Variants in METTL15 observed in about 807,000 individuals in gnomAD.
METTL15 encodes 12S rRNA N(4)-cytidine methyltransferase METTL15.
A neutral mutation model predicts 38.3 loss-of-function variants in METTL15; 34 were observed. That is an observed-to-expected ratio of 0.89 (90% CI 0.68 to 1.18). METTL15 has a LOEUF of 1.18. Ranked by LOEUF, METTL15 falls within the 50% of genes most tolerant of loss-of-function variation. METTL15 has a pLI of 0.00. For synonymous variants in METTL15, 162 were observed against 170.9 expected (o/e 0.95, Z 0.41); for missense variants, 438 against 498.4 (o/e 0.88, Z 1.15).
At chr11:28,310,946 G>A (rs1159823662) in intron 6 of METTL15, among the ~76,000 whole-genome samples, 7 of 144,348 alleles carry the variant, frequency 4.8e-5, no homozygotes, top group Non-Finnish European at 7.6e-5. Flanking sequence ...TGGTGGTGGT[G>A]GTGGTGGTGG....
In METTL15 at chr11:28,386,493, T is replaced by C. The variant is rs570119495; in HGVS notation, c.*358+24457T>C. 2.6e-5 allele frequency among the ~76,000 whole-genome samples: 4 copies of C among 152,058 alleles called. No homozygotes were observed. In the East Asian group the frequency reaches 5.8e-4, roughly 22 times the overall value. Reference sequence around the variant, plus strand: ...TTGCATGAGACAAAGAAAAACATTATATAATGATATAAAAATCAATTCACC... The same window carrying C: ...TTGCATGAGACAAAGAAAAACATTACATAATGATATAAAAATCAATTCACC... On this transcript the variant is annotated intron_variant and NMD_transcript_variant, in intron 5 of 7. Transcript: ENST00000532947.
intron 6 of METTL15, among the ~76,000 whole-genome samples, chr11:28,482,422 T>G (rs866489208): frequency 1.4e-4 from 22 of 152,238 alleles, no homozygotes; most frequent in South Asian, 2.1e-4. Context: ...GGTTATATCT[T>G]CCTTGTAGGG....
At chr11:28,450,454 T>G (rs2133447278) in intron 6 of METTL15, among the ~76,000 whole-genome samples, 1 of 152,368 alleles carries the variant, frequency 6.6e-6, no homozygotes, top group Middle Eastern at 3.4e-3. Flanking sequence ...CTCACAGGAC[T>G]TTTGTGAAGA....
rs1215541440 is a variant in METTL15, at chr11:28,296,958, C to G, written c.778+27C>G. 3 of 1,611,786 alleles carry G rather than the reference C, an allele frequency of 1.9e-6. No individual in the cohort carries two copies. In the African/African-American group the frequency reaches 4.0e-5, roughly 22 times the overall value. On this transcript the variant is annotated intron_variant, in intron 6 of 6. Coordinates refer to ENST00000407364, the MANE Select transcript of METTL15 (RefSeq NM_001113528.2). The stretch of plus-strand genomic sequence containing the variant: ...TAGCCTCATTAATTCTCAACAGTGT[C>G]TAAGAGAAAAAATTATATTTACATG...
intron 3 of METTL15, among the ~76,000 whole-genome samples, chr11:28,133,799 C>T (rs1364786906): frequency 6.6e-6 from 1 of 152,030 alleles, no homozygotes; most frequent in Non-Finnish European, 1.5e-5. Flanking sequence ...GAAAGAGACC[C>T]CAAGTTAGAA....
intron 6 of METTL15, among the ~76,000 whole-genome samples, chr11:28,305,866 T>G (rs998517285): frequency 1.1e-4 from 16 of 152,126 alleles, no homozygotes; most frequent in Admixed American, 1.0e-3. Context: ...AAGTGATGCC[T>G]ATTTATGGAA....
At chr11:28,389,764 G>C (rs1850482449) in intron 5 of METTL15, among the ~76,000 whole-genome samples, 1 of 151,484 alleles carries the variant, frequency 6.6e-6, no homozygotes, top group Non-Finnish European at 1.5e-5. Flanking sequence ...GGATGGCTGG[G>C]TCAAATGGTA....
At chr11:28,326,288 T>C (rs963248930) in intron 6 of METTL15, among the ~76,000 whole-genome samples, 4 of 139,284 alleles carry the variant, frequency 2.9e-5, no homozygotes, top group Non-Finnish European at 3.2e-5. Context: ...AATCTGTTAG[T>C]TTTTTTTTTT....
At position 28,426,905 on chromosome 11, in the gene METTL15, T is replaced by A. The variant is rs1850870658; in HGVS notation, c.*424+2541T>A. 2.6e-5 allele frequency among the ~76,000 whole-genome samples: 4 copies of A among 152,134 alleles called. No individual in the cohort carries two copies. In the South Asian group the frequency reaches 8.3e-4, roughly 31 times the overall value. On this transcript the variant is annotated intron_variant and NMD_transcript_variant, in intron 6 of 7. Coordinates refer to the METTL15 transcript ENST00000532947. Reference sequence around the variant, plus strand: ...TCTGTAGGTTGACAGTTCACTCTGATGATAGGTTTTTTTTCTGTGTAGAAG... The same window carrying A: ...TCTGTAGGTTGACAGTTCACTCTGAAGATAGGTTTTTTTTCTGTGTAGAAG...
chr11:28,517,468 G>A (rs545238869), intron 6 of METTL15, among the ~76,000 whole-genome samples: 80 of 152,088 alleles, frequency 5.3e-4, no homozygotes, highest in African/African-American at 1.6e-3. Context: ...CAATCCTTTC[G>A]TTGTGAGAGG....
At chr11:28,232,398 C>G (rs1853723908) in intron 4 of METTL15, among the ~76,000 whole-genome samples, 1 of 151,654 alleles carries the variant, frequency 6.6e-6, no homozygotes, top group Admixed American at 6.6e-5. Flanking sequence ...TATAAATAAA[C>G]TTTATTTTTG....
intron 6 of METTL15, among the ~76,000 whole-genome samples, chr11:28,441,748 A>AT (rs1182812572): frequency 3.9e-5 from 6 of 152,180 alleles, no homozygotes; most frequent in Admixed American, 3.9e-4. Context: ...TTAAAAAAAA[A>AT]GTGGAAAACC....
At chr11:28,336,235 T>A (rs541719767), downstream of METTL15, among the ~76,000 whole-genome samples, 1 of 152,202 alleles carries the variant, frequency 6.6e-6, no homozygotes, top group Non-Finnish European at 1.5e-5. Flanking sequence ...TTGTGGAGTT[T>A]CCATTTATAA....
At chr11:28,471,119 C>T (rs1023129804) in intron 6 of METTL15, among the ~76,000 whole-genome samples, 11 of 152,094 alleles carry the variant, frequency 7.2e-5, no homozygotes, top group African/African-American at 2.7e-4. Flanking sequence ...GCTGGACATC[C>T]TAGTTGGGTC....
At chr11:28,237,431 G>A (rs959850051) in intron 4 of METTL15, among the ~76,000 whole-genome samples, 3 of 151,932 alleles carry the variant, frequency 2.0e-5, no homozygotes, top group Admixed American at 6.6e-5. Flanking sequence ...CGTAGTTCTC[G>A]AGCCTTGGCT....
At chr11:28,496,290 C>G (rs1338699629) in intron 6 of METTL15, among the ~76,000 whole-genome samples, 1 of 152,136 alleles carries the variant, frequency 6.6e-6, no homozygotes, top group Admixed American at 6.5e-5. Context: ...ATTTTTAAAA[C>G]CATCAGATTC....
At chr11:28,412,184 A>G (rs1341274478) in intron 5 of METTL15, among the ~76,000 whole-genome samples, 1 of 151,962 alleles carries the variant, frequency 6.6e-6, no homozygotes, top group Non-Finnish European at 1.5e-5. Context: ...AACTGTAGGG[A>G]GTTTTCCAGA....
In METTL15 at chr11:28,401,169, C is replaced by T. The variant is rs117012107; in HGVS notation, c.*359-23130C>T. Among the ~76,000 whole-genome samples, 1,308 of 151,952 alleles carry T rather than the reference C, an allele frequency of 8.6e-3. 9 individuals are homozygous for T. Among genetic ancestry groups the T allele is most frequent in the Middle Eastern group, 0.017 (5 of 294 alleles). On this transcript the variant is annotated intron_variant and NMD_transcript_variant, in intron 5 of 7. Transcript: ENST00000532947. The stretch of plus-strand genomic sequence containing the variant: ...CTGATTTCAGTGGATGTGAGAGTGC[C>T]ATGTTTGTGGTTTCAATTTAATAAA...
intron 5 of METTL15, among the ~76,000 whole-genome samples, chr11:28,420,701 A>T (rs1266226589): frequency 2.6e-5 from 4 of 152,078 alleles, no homozygotes; most frequent in Non-Finnish European, 5.9e-5. Flanking sequence ...TCCAAAAACT[A>T]TGGGATAGAG....
Sources: allele counts gnomAD v4.1 joint callset (sites outside exome capture counted in the v4.1 genomes callset), GRCh38; gene constraint gnomAD v4.1.1; transcripts MANE v1.5; gene names NCBI Gene and HGNC (gene_info 2026-07-23, HGNC 2026-07-21).